Variants in ZFYVE9 observed in about 807,000 individuals in gnomAD.
ZFYVE9 encodes the protein zinc finger FYVE-type containing 9.
ZFYVE9 carries 43 observed loss-of-function variants against 126.7 expected under a neutral mutation model. The ratio of observed to expected loss-of-function variants is 0.34; its 90% CI spans 0.27 to 0.44. The LOEUF is 0.44. ZFYVE9 is among the 20% of genes least tolerant of loss of function. The pLI is 1.00. For missense variants in ZFYVE9, 1,476 were observed against 1,697.0 expected (o/e 0.87, Z 2.29); for synonymous variants, 521 against 597.4 (o/e 0.87, Z 1.87).
At chr1:52,296,037 A>C in intron 12 of ZFYVE9, 60 bp downstream of exon 12, 1 of 1,474,492 alleles carries the variant, frequency 6.8e-7, no homozygotes, top group East Asian at 2.3e-5. Flanking sequence ...GAAGGAAGAA[A>C]GCAATTTTAT....
chr1:52,179,668 GA>G (rs1257918651), intron 1 of ZFYVE9, among the ~76,000 whole-genome samples: 1 of 151,698 alleles, frequency 6.6e-6, no homozygotes, highest in African/African-American at 2.4e-5. Flanking sequence ...TGACACAGTG[GA>G]ATAAAGTCCA....
chr1:52,228,379 T>C (rs770880381), intron 2 of ZFYVE9, among the ~76,000 whole-genome samples: 58 of 152,160 alleles, frequency 3.8e-4, no homozygotes, highest in Admixed American at 2.5e-3. Flanking sequence ...TTGTCTAGAA[T>C]TTTTTTATTT....
At chr1:52,274,440 A>G (rs762644642) in intron 7 of ZFYVE9, 24 bp from the exon 8 acceptor site, 5 of 1,587,030 alleles carry the variant, frequency 3.2e-6, no homozygotes, top group Non-Finnish European at 4.3e-6. Flanking sequence ...TGTAGTGCTC[A>G]CTTTGTTGAT....
At chr1:52,168,885 G>A (rs1022518355) in intron 1 of ZFYVE9, among the ~76,000 whole-genome samples, 4 of 152,080 alleles carry the variant, frequency 2.6e-5, no homozygotes, top group African/African-American at 9.7e-5. Context: ...AAATTTTGTT[G>A]TATTGATTTT....
intron 13 of ZFYVE9, among the ~76,000 whole-genome samples, chr1:52,306,881 G>T (rs968477047): frequency 2.6e-5 from 4 of 152,208 alleles, no homozygotes; most frequent in African/African-American, 9.6e-5. Flanking sequence ...GCAGTGGCCG[G>T]AACCCACGCT....
chr1:52,203,167 G>A (rs936700071), intron 1 of ZFYVE9, among the ~76,000 whole-genome samples: 4 of 151,372 alleles, frequency 2.6e-5, no homozygotes, highest in Non-Finnish European at 2.9e-5. Flanking sequence ...TCCTCCGTAG[G>A]TATAGTGTTT....
At position 52,338,337 on chromosome 1, in the gene ZFYVE9, C is replaced by T. The variant is rs1646407064; in HGVS notation, c.3833+403C>T. Among the ~76,000 whole-genome samples the T allele has an allele frequency of 2.6e-5, 4 of 152,126 alleles. No individual in the cohort carries two copies. The South Asian group carries it at 8.3e-4, about 32-fold the overall frequency. ...TAAGTGACTTTTCAGGTCTACAAAG[C>T]TAGGAAGTGATAAGACTAGCTCTGA... is the stretch of plus-strand genomic sequence containing the variant. On this transcript the variant is annotated intron_variant, in intron 16 of 18. Coordinates refer to ENST00000287727, the MANE Select transcript of ZFYVE9 (RefSeq NM_004799.4).
chr1:52,290,141 G>A (rs1645903771), intron 10 of ZFYVE9, among the ~76,000 whole-genome samples: 1 of 152,188 alleles, frequency 6.6e-6, no homozygotes, highest in Non-Finnish European at 1.5e-5. Flanking sequence ...TAGTTCTCAT[G>A]GCTGCAAAGT....
chr1:52,307,630 T>C (rs1407604092), intron 13 of ZFYVE9, among the ~76,000 whole-genome samples: 5 of 152,258 alleles, frequency 3.3e-5, no homozygotes, highest in African/African-American at 1.2e-4. Flanking sequence ...CCTCCGTTTA[T>C]GGTGTGCAGG....
chr1:52,187,626 A>G (rs546906115), intron 1 of ZFYVE9, among the ~76,000 whole-genome samples: 2 of 152,368 alleles, frequency 1.3e-5, no homozygotes, highest in African/African-American at 2.4e-5. Flanking sequence ...AAACAACTCC[A>G]TTAAAAAGTG....
At chr1:52,227,099 A>G (rs1645177519) in intron 2 of ZFYVE9, among the ~76,000 whole-genome samples, 1 of 152,240 alleles carries the variant, frequency 6.6e-6, no homozygotes, top group Non-Finnish European at 1.5e-5. Flanking sequence ...GGAATGTTGC[A>G]TACTCTGGTT....
chr1:52,186,660 A>T (rs1298284405), intron 1 of ZFYVE9, among the ~76,000 whole-genome samples: 1 of 152,210 alleles, frequency 6.6e-6, no homozygotes, highest in African/African-American at 2.4e-5. Flanking sequence ...GCATTCCTAG[A>T]CACTGACAGC....
chr1:52,157,479 C>T (rs1200320575), intron 1 of ZFYVE9, among the ~76,000 whole-genome samples: 1 of 132,790 alleles, frequency 7.5e-6, no homozygotes, highest in African/African-American at 2.9e-5. Flanking sequence ...CAGCTCACTG[C>T]AACCTCCACC....
chr1:52,333,400 G>A (rs1258776435), intron 14 of ZFYVE9, among the ~76,000 whole-genome samples: 1 of 152,018 alleles, frequency 6.6e-6, no homozygotes, highest in Admixed American at 6.6e-5. Flanking sequence ...TTTGAAGCTT[G>A]TTGGATGACC....
intron 4 of ZFYVE9, among the ~76,000 whole-genome samples, chr1:52,250,050 A>T (rs572509764): frequency 1.3e-5 from 2 of 152,292 alleles, no homozygotes; most frequent in African/African-American, 4.8e-5. Flanking sequence ...ATGGAATGTG[A>T]GTCCTCTGGG....
rs1207178198 is a variant in ZFYVE9 at position 52,142,465 on chromosome 1, C to A, written c.-143+62C>A. 1.3e-5 allele frequency: 2 copies of A among 152,072 alleles called. No individual in the cohort carries two copies. The highest frequency in any genetic ancestry group is 3.9e-4 in the East Asian group (2 of 5,120). The allele number at this position is 152,072 out of a possible 1,614,324, so 9.4% of individuals were successfully genotyped here. On this transcript the variant is annotated intron_variant, in intron 1 of 18. Transcript: ENST00000287727. This position sits in a 1 kb window ranked among gnomAD's most constrained non-coding sequence, Gnocchi z 4.5. Reference sequence around the variant, plus strand: ...CTCCCGCCGCCTGTGGGGGCCCTGGCGGCAGACCGCGGGCCGGGCGGACGG... The same window carrying A: ...CTCCCGCCGCCTGTGGGGGCCCTGGAGGCAGACCGCGGGCCGGGCGGACGG...
chr1:52,265,752 A>G (rs1425046787), intron 5 of ZFYVE9, among the ~76,000 whole-genome samples: 1 of 152,198 alleles, frequency 6.6e-6, no homozygotes, highest in African/African-American at 2.4e-5. Flanking sequence ...AGCAGAATTC[A>G]GAAAAAGATT....
intron 2 of ZFYVE9, among the ~76,000 whole-genome samples, chr1:52,217,827 G>A (rs757428902): frequency 7.2e-5 from 11 of 152,206 alleles, no homozygotes; most frequent in Non-Finnish European, 1.3e-4. Context: ...ACACTGGACC[G>A]TGATCATGAC....
chr1:52,275,903 A>ATTTTTTTTT (rs34282653), intron 8 of ZFYVE9, among the ~76,000 whole-genome samples: 1 of 115,678 alleles, frequency 8.6e-6, no homozygotes, highest in Non-Finnish European at 1.7e-5. Context: ...TTAGCAAGCA[A>ATTTTTTTTT]TTTTTTTTTT....
Sources: gnomAD v4.1 joint callset for allele counts (sites outside exome capture counted in the v4.1 genomes callset) on GRCh38, gnomAD v4.1.1 for gene constraint, Gnocchi (gnomAD v3.1) non-coding constraint, MANE v1.5 for transcripts, NCBI Gene and HGNC (gene_info 2026-07-23, HGNC 2026-07-21) for gene names.